VPS13B: variants seen among roughly 807,000 people sequenced by gnomAD.
VPS13B encodes intermembrane lipid transfer protein VPS13B.
A neutral mutation model predicts 426.4 loss-of-function variants in VPS13B; 285 were observed. That is an observed-to-expected ratio of 0.67 (90% CI 0.61 to 0.74). The LOEUF (loss-of-function observed/expected upper bound fraction) is 0.74, where lower values mean the gene tolerates loss of function less well. VPS13B is among the 30% of genes least tolerant of loss of function. The pLI is 0.00. For missense variants in VPS13B, 4,537 were observed against 4,782.6 expected (o/e 0.95, Z 1.51); for synonymous variants, 1,676 against 1,676.4 (o/e 1.00, Z 0.01).
rs995972620 is a variant in VPS13B at position 99,610,848 on chromosome 8, T to C, written c.5221-30963T>C. Among the ~76,000 whole-genome samples the C allele has an allele frequency of 2.8e-4, 43 of 152,214 alleles. 1 individual carries two copies. On this transcript the variant is annotated intron_variant, in intron 33 of 61. Transcript: ENST00000357162. ...GCCTAATATTGAGTAGTGAATTTTC[T>C]TATTCTAATCTGGAAACCAAGACTT...
intron 19 of VPS13B, among the ~76,000 whole-genome samples, chr8:99,356,344 A>G (rs1312017166): frequency 6.6e-6 from 1 of 152,204 alleles, no homozygotes; most frequent in African/African-American, 2.4e-5. Flanking sequence ...AAGAAGTAAA[A>G]TACTTAAAAA....
chr8:99,019,813 A>T (rs192913607), intron 2 of VPS13B, among the ~76,000 whole-genome samples: 1 of 152,344 alleles, frequency 6.6e-6, no homozygotes, highest in East Asian at 1.9e-4. Flanking sequence ...AGCATATGCC[A>T]CTATGTCCTT....
At chr8:99,197,074 AGAT>A (rs1813977256) in intron 17 of VPS13B, among the ~76,000 whole-genome samples, 2 of 152,164 alleles carry the variant, frequency 1.3e-5, no homozygotes, top group Non-Finnish European at 2.9e-5. Flanking sequence ...GCATCTATTG[AGAT>A]GATGATATGA....
chr8:99,087,260 T>C (rs1422025203), intron 3 of VPS13B, among the ~76,000 whole-genome samples: 1 of 152,194 alleles, frequency 6.6e-6, no homozygotes, highest in Non-Finnish European at 1.5e-5. Flanking sequence ...CCCAGCCATG[T>C]GCGGGATTTA....
intron 19 of VPS13B, among the ~76,000 whole-genome samples, chr8:99,322,342 A>G (rs1810024476): frequency 6.6e-6 from 1 of 152,132 alleles, no homozygotes. Flanking sequence ...CTAGATCACT[A>G]ATATTTTCAC....
intron 14 of VPS13B, among the ~76,000 whole-genome samples, chr8:99,148,771 G>A (rs1810891530): frequency 6.6e-6 from 1 of 152,192 alleles, no homozygotes; most frequent in African/African-American, 2.4e-5. Context: ...CCTGTCCCTT[G>A]TTCTATAGGA....
chr8:99,550,509 G>A (rs113654478), intron 30 of VPS13B, among the ~76,000 whole-genome samples: 5,241 of 150,470 alleles, frequency 0.035, 126 homozygotes, highest in Non-Finnish European at 0.048. Context: ...TTTTTCTTGC[G>A]AATAGTATAT....
chr8:99,179,942 A>G (rs1370264021), intron 16 of VPS13B, among the ~76,000 whole-genome samples: 1 of 152,176 alleles, frequency 6.6e-6, no homozygotes, highest in Non-Finnish European at 1.5e-5. Context: ...TCTTGGCCAA[A>G]GTGAAAATCA....
At chr8:99,206,993 A>T (rs927907938) in intron 17 of VPS13B, among the ~76,000 whole-genome samples, 2 of 152,170 alleles carry the variant, frequency 1.3e-5, no homozygotes, top group African/African-American at 4.8e-5. Flanking sequence ...TGTATTGAGA[A>T]CTACCAATTA....
intron 30 of VPS13B, among the ~76,000 whole-genome samples, chr8:99,522,856 G>A (rs1274139344): frequency 6.6e-6 from 1 of 152,148 alleles, no homozygotes; most frequent in African/African-American, 2.4e-5. Flanking sequence ...GTGAAATGCT[G>A]TATCATCGAT....
chr8:99,859,739 G>A (rs1816736138), intron 57 of VPS13B, among the ~76,000 whole-genome samples: 2 of 152,116 alleles, frequency 1.3e-5, no homozygotes, highest in African/African-American at 4.8e-5. Flanking sequence ...AACAAGGATT[G>A]GCTCAAATGT....
intron 33 of VPS13B, among the ~76,000 whole-genome samples, chr8:99,589,925 T>C (rs537235362): frequency 6.6e-6 from 1 of 152,300 alleles, no homozygotes; most frequent in African/African-American, 2.4e-5. Flanking sequence ...CCAGCTCCTC[T>C]TTCTACCTCT....
intron 30 of VPS13B, among the ~76,000 whole-genome samples, chr8:99,529,183 G>A (rs1822800300): frequency 6.6e-6 from 1 of 151,812 alleles, no homozygotes; most frequent in Non-Finnish European, 1.5e-5. Flanking sequence ...TCCTTACCAG[G>A]GCTTATTCTG....
rs34961653 is a variant in VPS13B at position 99,442,433 on chromosome 8, A to G, written c.3243A>G (p.Pro1081=). 6.5e-4 allele frequency: 1,057 copies of G among 1,613,934 alleles called. 6 individuals carry two copies. In the African/African-American group the frequency reaches 0.013, roughly 19 times the overall value. The part of the protein sequence containing the change: ...LEVQSCCVFI[P]NDSLPSPSTI... ...TACAATCTTGTTGTGTGTTTATTCCAAATGATAGCCTGCCTTCCCCAAGTA... is the reference window on the plus strand; with the variant it reads ...TACAATCTTGTTGTGTGTTTATTCCGAATGATAGCCTGCCTTCCCCAAGTA... Residue 1081 remains proline (P), a synonymous_variant, in exon 23 of 62, where the codon CCA becomes CCG. Coordinates refer to ENST00000357162, the MANE Select transcript of VPS13B (RefSeq NM_152564.5).
intron 51 of VPS13B, among the ~76,000 whole-genome samples, chr8:99,832,086 A>T (rs1815095800): frequency 6.6e-6 from 1 of 151,970 alleles, no homozygotes; most frequent in Non-Finnish European, 1.5e-5. Context: ...ACATAGCGAA[A>T]CCCCATCTCT....
chr8:99,740,252 G>T (rs949448341), intron 39 of VPS13B, among the ~76,000 whole-genome samples: 1 of 152,158 alleles, frequency 6.6e-6, no homozygotes, highest in Non-Finnish European at 1.5e-5. Context: ...ATGAAATGAA[G>T]TGAGAAGAGA....
At chr8:99,712,018 C>T (rs551292598) in intron 36 of VPS13B, among the ~76,000 whole-genome samples, 2 of 152,148 alleles carry the variant, frequency 1.3e-5, no homozygotes, top group South Asian at 2.1e-4. Flanking sequence ...ATGGTTTAAG[C>T]CATGAGAGTA....
intron 33 of VPS13B, among the ~76,000 whole-genome samples, chr8:99,604,781 G>C (rs1827496898): frequency 6.6e-6 from 1 of 151,974 alleles, no homozygotes; most frequent in Non-Finnish European, 1.5e-5. Flanking sequence ...CCTTGGTTTT[G>C]ATGAGCTTGA....
intron 24 of VPS13B, among the ~76,000 whole-genome samples, chr8:99,477,813 G>A (rs1388545836): frequency 1.3e-5 from 2 of 152,138 alleles, no homozygotes; most frequent in Non-Finnish European, 2.9e-5. Flanking sequence ...CTTAGACACT[G>A]TGTATATTTA....
Sources: gnomAD v4.1 joint callset for allele counts (sites outside exome capture counted in the v4.1 genomes callset) on GRCh38, gnomAD v4.1.1 for gene constraint, MANE v1.5 for transcripts, NCBI Gene and HGNC (gene_info 2026-07-23, HGNC 2026-07-21) for gene names.